The following VCAM1 variants were observed in gnomAD, a reference collection of about 807,000 sequenced individuals.
VCAM1 encodes vascular cell adhesion molecule 1, also known as vascular cell adhesion protein 1.
In VCAM1, 41 loss-of-function variants were observed where a neutral mutation model predicts 63.8. The ratio of observed to expected loss-of-function variants is 0.64; its 90% CI spans 0.50 to 0.83. The LOEUF (loss-of-function observed/expected upper bound fraction) is 0.83, where lower values mean the gene tolerates loss of function less well. Among genes scored for constraint, VCAM1 ranks in the 40% least tolerant of loss-of-function variants. VCAM1 has a pLI of 0.00. For synonymous variants in VCAM1, 338 were observed against 320.7 expected (o/e 1.05, Z -0.58); for missense variants, 798 against 875.5 (o/e 0.91, Z 1.12).
At chr1:100,732,960 T>C (rs1660516932) in intron 7 of VCAM1, among the ~76,000 whole-genome samples, 1 of 152,158 alleles carries the variant, frequency 6.6e-6, no homozygotes, top group Non-Finnish European at 1.5e-5. Context: ...TATGAGGCAA[T>C]GGTTATGGTA....
chr1:100,724,538 G>A, intron 3 of VCAM1, 86 bp from the exon 4 acceptor site: 3 of 1,460,770 alleles, frequency 2.1e-6, no homozygotes, highest in Non-Finnish European at 2.8e-6. Context: ...ATTGGTGGAA[G>A]CACATAAATA....
Position 100,723,096 on chromosome 1 carries a change from T to G in VCAM1, c.417T>G (p.Val139=). The G allele has an allele frequency of 6.2e-7, 1 of 1,613,046 alleles. No individual in the cohort carries two copies. Among genetic ancestry groups the G allele is most frequent in the Admixed American group, 1.7e-5 (1 of 59,854 alleles). ...AGKPITVKCS[V]ADVYPFDRLE... ...AGCCGATCACAGTCAAGTGTTCAGT[T>G]GCTGATGTATACCCATTTGACAGGC... Residue 139 remains valine (V), a synonymous_variant, in exon 3 of 9, where the codon GTT becomes GTG. Coordinates refer to ENST00000294728, the MANE Select transcript of VCAM1 (RefSeq NM_001078.4).
intron 5 of VCAM1, among the ~76,000 whole-genome samples, chr1:100,730,314 A>G (rs937870175): frequency 2.0e-5 from 3 of 152,116 alleles, no homozygotes; most frequent in African/African-American, 7.2e-5. Context: ...TGAGATAGGC[A>G]CATTCCCAGC....
chr1:100,724,723 C>T lies in VCAM1; in HGVS notation c.761C>T (p.Pro254Leu). 2.5e-6 allele frequency: 4 copies of T among 1,613,054 alleles called. No individual in the cohort carries two copies. The highest frequency in any genetic ancestry group is 3.4e-6 in the Non-Finnish European group (4 of 1,179,448). Residue 254 changes from proline to leucine, a missense_variant, in exon 4 of 9, where the codon CCA (proline) becomes CTA (leucine). Transcript: ENST00000294728. ...MTCSSEGLPAPEIFWSKKLDN... is the reference protein window; with the variant it reads ...MTCSSEGLPALEIFWSKKLDN... Reference sequence around the variant, plus strand: ...TGTTCCAGCGAGGGTCTACCAGCTCCAGAGATTTTCTGGAGTAAGAAATTA... The same window carrying T: ...TGTTCCAGCGAGGGTCTACCAGCTCTAGAGATTTTCTGGAGTAAGAAATTA...
Position 100,732,478 on chromosome 1 carries a change from C to T in VCAM1, c.1586C>T (p.Ser529Phe). 2 of 1,612,068 alleles carry T rather than the reference C, an allele frequency of 1.2e-6. No individual in the cohort carries two copies. Among genetic ancestry groups the T allele is most frequent in the Middle Eastern group, 1.7e-4 (1 of 6,050 alleles). ...TCCTCCATCCTGGAGGAAGGCAGTT[C>T]TGTGAATATGACATGCTTGAGCCAG... ...SPSSILEEGS[S>F]VNMTCLSQGF... The change falls in exon 7 of 9, where the codon TCT (serine) becomes TTT (phenylalanine). Residue 529 changes from serine (S) to phenylalanine (F), a missense_variant. By Grantham distance (155) the Ser-to-Phe change is radical (BLOSUM62 -2). Coordinates refer to ENST00000294728, the MANE Select transcript of VCAM1 (RefSeq NM_001078.4).
intron 4 of VCAM1, among the ~76,000 whole-genome samples, chr1:100,728,500 T>G (rs755084086): frequency 6.6e-6 from 1 of 152,000 alleles, no homozygotes; most frequent in Non-Finnish European, 1.5e-5. Context: ...TTGTAGCAAC[T>G]GAAAAGCTGG....
Position 100,723,235 on chromosome 1 carries a change from A to G in VCAM1, c.556A>G (p.Ile186Val), listed in dbSNP as rs1235241290. 2.5e-6 allele frequency: 4 copies of G among 1,612,996 alleles called. No homozygotes were observed. Among genetic ancestry groups the G allele is most frequent in the African/African-American group, 1.3e-5 (1 of 74,842 alleles). ...TTTGGAAGTAACCTTTACTCCTGTC[A>G]TTGAGGATATTGGAAAAGTTCTTGT... ...KSLEVTFTPV[I>V]EDIGKVLVCR... Residue 186 changes from isoleucine (I) to valine (V), a missense_variant, in exon 3 of 9, where the codon ATT becomes GTT. Ile to Val is a conservative substitution (Grantham distance 29). Transcript: ENST00000294728.
At position 100,720,492 on chromosome 1, in the gene VCAM1, C is replaced by G. The variant is rs769862238; in HGVS notation, c.81C>G (p.Ile27Met). 1.4e-5 allele frequency: 22 copies of G among 1,604,506 alleles called. No homozygotes were observed. Among genetic ancestry groups the G allele is most frequent in the Non-Finnish European group, 1.9e-5 (22 of 1,173,602 alleles). ...IMFAASQAFK[I>M]ETTPESRYLA... ...CTTTTGCAGCTCAAGCTTTTAAAAT[C>G]GAGACCACCCCAGAATCTAGATATC... is the stretch of plus-strand genomic sequence containing the variant. Residue 27 changes from isoleucine to methionine, a missense_variant, in exon 2 of 9, where the codon ATC (isoleucine) becomes ATG (methionine). Ile to Met is a conservative substitution (Grantham distance 10). Transcript: ENST00000294728.
chr1:100,724,354 T>G (rs1447216497), intron 3 of VCAM1, among the ~76,000 whole-genome samples: 2 of 152,052 alleles, frequency 1.3e-5, no homozygotes, highest in Non-Finnish European at 2.9e-5. Context: ...AATGGGACTC[T>G]TACCCTTAAG....
chr1:100,726,703 G>C lies in VCAM1; in HGVS notation c.928+1813G>C, dbSNP rs144655702. On this transcript the variant is annotated intron_variant, in intron 4 of 8. Coordinates refer to ENST00000294728, the MANE Select transcript of VCAM1 (RefSeq NM_001078.4). ...TAAGAGCCCTTGTCCAAGAATCCAA[G>C]AATTGTACTTGGTACTGGGGGTACA... Among the ~76,000 whole-genome samples, 99 of 152,128 alleles carry C rather than the reference G, an allele frequency of 6.5e-4. 1 individual carries two copies. The highest frequency in any genetic ancestry group is 2.4e-3 in the African/African-American group (98 of 41,510).
At chr1:100,721,285 G>A (rs1023389449) in intron 2 of VCAM1, among the ~76,000 whole-genome samples, 1 of 151,954 alleles carries the variant, frequency 6.6e-6, no homozygotes, top group Non-Finnish European at 1.5e-5. Flanking sequence ...ATTTGACTTT[G>A]GTGTTGACAC....
At chr1:100,727,045 G>C (rs955603631) in intron 4 of VCAM1, among the ~76,000 whole-genome samples, 19 of 29,454 alleles carry the variant, frequency 6.5e-4, no homozygotes, top group Non-Finnish European at 1.9e-3. Flanking sequence ...CAGGAATTCT[G>C]TGTGTGTGTG....
intron 2 of VCAM1, 27 bp from the exon 3 acceptor site, chr1:100,722,993 A>G (rs1244862640): frequency 6.3e-7 from 1 of 1,588,432 alleles, no homozygotes; most frequent in Non-Finnish European, 8.5e-7. Context: ...CAAAAAGCCC[A>G]TCCATGTATT....
intron 4 of VCAM1, among the ~76,000 whole-genome samples, chr1:100,727,595 T>A (rs1464215977): frequency 6.6e-6 from 1 of 152,112 alleles, no homozygotes. Flanking sequence ...TGGCCTAAAG[T>A]ACTGAAAGTA....
At position 100,734,797 on chromosome 1, in the gene VCAM1, T is replaced by C. The variant is rs369149798; in HGVS notation, c.2059+29T>C. 1.1e-5 allele frequency: 17 copies of C among 1,609,506 alleles called. No individual in the cohort carries two copies. In the African/African-American group the frequency reaches 2.1e-4, roughly 20 times the overall value. ...AGTTTGTTTTGAGTTTTTGTTTTCT[T>C]GGTAATAGTTCAGAGGTTCCAAGGA... On this transcript the variant is annotated intron_variant, in intron 8 of 8. Coordinates refer to ENST00000294728, the MANE Select transcript of VCAM1 (RefSeq NM_001078.4).
At chr1:100,723,419 G>C in intron 3 of VCAM1, 79 bp downstream of exon 3, 1 of 1,244,306 alleles carries the variant, frequency 8.0e-7, no homozygotes. Flanking sequence ...TAGCAGAAAA[G>C]TAAAAAAAAA....
chr1:100,730,895 G>A (rs1195593189), intron 5 of VCAM1, among the ~76,000 whole-genome samples: 1 of 152,094 alleles, frequency 6.6e-6, no homozygotes, highest in Non-Finnish European at 1.5e-5. Context: ...GGTGGAAACT[G>A]ATGTATACTT....
At position 100,724,810 on chromosome 1, in the gene VCAM1, T is replaced by G; in HGVS notation, c.848T>G (p.Met283Arg). ...NATLTLIAMR[M>R]EDSGIYVCEG... ...ACTCTCACCTTAATTGCTATGAGGA[T>G]GGAAGATTCTGGAATTTATGTGTGT... The change falls in exon 4 of 9, where the codon ATG becomes AGG. Residue 283 changes from methionine to arginine, a missense_variant. Coordinates refer to ENST00000294728, the MANE Select transcript of VCAM1 (RefSeq NM_001078.4). 1 of 1,612,946 alleles carries G rather than the reference T, an allele frequency of 6.2e-7. No individual in the cohort carries two copies. Among genetic ancestry groups the G allele is most frequent in the Non-Finnish European group, 8.5e-7 (1 of 1,179,376 alleles).
At chr1:100,727,415 T>C (rs1660211370) in intron 4 of VCAM1, among the ~76,000 whole-genome samples, 1 of 152,074 alleles carries the variant, frequency 6.6e-6, no homozygotes, top group South Asian at 2.1e-4. Context: ...TAGGTTAGCA[T>C]TCTCAAGTGA....
Sources: gnomAD v4.1 joint callset for allele counts (sites outside exome capture counted in the v4.1 genomes callset) on GRCh38, gnomAD v4.1.1 for gene constraint, MANE v1.5 for transcripts, NCBI Gene and HGNC (gene_info 2026-07-23, HGNC 2026-07-21) for gene names.